The following PIWIL3 variants were observed in gnomAD, a reference collection of about 807,000 sequenced individuals.
PIWIL3 encodes the protein piwi like RNA-mediated gene silencing 3.
PIWIL3 carries 101 observed loss-of-function variants against 109.7 expected under a neutral mutation model. That is an observed-to-expected ratio of 0.92 (90% CI 0.78 to 1.09). PIWIL3 has a LOEUF of 1.09. PIWIL3 is among the 50% of genes least tolerant of loss of function. The pLI is 0.00. For missense variants in PIWIL3, 1,031 were observed against 1,072.6 expected, an observed-to-expected ratio of 0.96 and a Z score of 0.54; for synonymous variants, 373 against 376.4, an observed-to-expected ratio of 0.99 and a Z score of 0.10.
At chr22:24,752,662 C>T (rs748932160) in intron 8 of PIWIL3, among the ~76,000 whole-genome samples, 30 of 152,138 alleles carry the variant, frequency 2.0e-4, no homozygotes, top group Non-Finnish European at 3.8e-4. Context: ...TCTTTGTTTT[C>T]CTTAGTGTGA....
At chr22:24,750,505 T>TTTTTTA (rs1924641524) in intron 9 of PIWIL3, among the ~76,000 whole-genome samples, 6 of 147,392 alleles carry the variant, frequency 4.1e-5, no homozygotes, top group Admixed American at 6.8e-5. Flanking sequence ...TTTTTTTTTT[T>TTTTTTA]GAGATGGAGT....
At position 24,728,254 on chromosome 22, in the gene PIWIL3, C is replaced by G; in HGVS notation, c.1828G>C (p.Ala610Pro). 3 of 1,614,172 alleles carry G rather than the reference C, an allele frequency of 1.9e-6. No individual in the cohort carries two copies. The highest frequency in any genetic ancestry group is 8.5e-7 in the Non-Finnish European group (1 of 1,180,040). The change falls in exon 15 of 21, where the codon GCA becomes CCA. Residue 610 changes from alanine to proline, a missense_variant. Physicochemically the swap from Ala to Pro is conservative, Grantham distance 27. Transcript: ENST00000616349. ...GCAATCTTGGTGACGATGGTCCTTGCCTGGACTTTTTCTAAGGTCTTTTTC... is the reference window on the plus strand; with the variant it reads ...GCAATCTTGGTGACGATGGTCCTTGGCTGGACTTTTTCTAAGGTCTTTTTC... ...VVKKTLEKVQ[A>P]RTIVTKIAQQ...
rs1171086706 is a variant in PIWIL3 at position 24,749,750 on chromosome 22, G to A, written c.1159C>T (p.Leu387=). The A allele has an allele frequency of 1.9e-6, 3 of 1,613,598 alleles. No individual in the cohort carries two copies. In the African/African-American group the frequency reaches 4.0e-5, roughly 22 times the overall value. Residue 387 remains leucine, a synonymous_variant, in exon 10 of 21, where the codon CTA becomes TTA. Coordinates refer to ENST00000616349, the MANE Select transcript of PIWIL3 (RefSeq NM_001255975.1). ...ATAGGTTCACGTTGTGTACCCGTTA[G>A]GCCCTTTTTCCATCTGCCCTGGCTG... ...LVSQGRWKKG[L]TGTQREPILL...
chr22:24,741,296 C>T (rs961877562), intron 12 of PIWIL3, among the ~76,000 whole-genome samples: 13 of 152,158 alleles, frequency 8.5e-5, no homozygotes, highest in Admixed American at 2.6e-4. Context: ...GGGCCAATCA[C>T]GAAGTCAGGA....
intron 18 of PIWIL3, among the ~76,000 whole-genome samples, chr22:24,724,530 G>A (rs189408000): frequency 2.8e-4 from 42 of 151,886 alleles, no homozygotes; most frequent in African/African-American, 9.2e-4. Context: ...TGCCTCCCGG[G>A]TTCAAGTGAT....
chr22:24,738,448 C>T (rs1357402776), intron 12 of PIWIL3, among the ~76,000 whole-genome samples: 1 of 152,232 alleles, frequency 6.6e-6, no homozygotes, highest in South Asian at 2.1e-4. Flanking sequence ...GGGCAAGACC[C>T]AGTGCTGTGC....
At chr22:24,760,063 G>C (rs1925329067) in intron 2 of PIWIL3, 74 bp from the exon 3 acceptor site, 1 of 1,583,232 alleles carries the variant, frequency 6.3e-7, no homozygotes, top group Non-Finnish European at 8.6e-7. Context: ...GGCACTCGCA[G>C]GGCACAAGGC....
At chr22:24,719,992 C>T (rs5760605) in intron 19 of PIWIL3, 97 bp from the exon 20 acceptor site, 171,606 of 1,040,774 alleles carry the variant, frequency 0.16, 17,269 homozygotes, top group East Asian at 0.5. Context: ...TAATTGCTTA[C>T]AAAAATCTAT....
In PIWIL3 at chr22:24,772,313, T is replaced by C. The variant is rs952630157; in HGVS notation, c.-23+2009A>G. Among the ~76,000 whole-genome samples the C allele has an allele frequency of 2.6e-5, 4 of 152,212 alleles. No homozygotes were observed. In the East Asian group the frequency reaches 7.7e-4, roughly 29 times the overall value. On this transcript the variant is annotated intron_variant, in intron 1 of 20. Coordinates refer to ENST00000616349, the MANE Select transcript of PIWIL3 (RefSeq NM_001255975.1). ...TATTGAAGGAATAAAGTCTGCATAA[T>C]AGGAGCTCATTAAATAGCAACTTCT...
rs755537606 is a variant in PIWIL3 at position 24,749,695 on chromosome 22, G to A, written c.1214C>T (p.Thr405Ile). The change falls in exon 10 of 21, where the codon ACA (threonine) becomes ATA (isoleucine). Residue 405 changes from threonine to isoleucine, a missense_variant and splice_region_variant. By Grantham distance (89) the Thr-to-Ile change is moderately conservative. Transcript: ENST00000616349. ...GAGGGGCTGTAATCCATCAGTACCT[G>A]TCATGTGGCACAGCTGAGGAATCAG... Reference protein sequence around the residue: ...ILLIPQLCHMTGLTDEICKDY... With the variant: ...ILLIPQLCHMIGLTDEICKDY... The A allele has an allele frequency of 1.2e-6, 2 of 1,614,088 alleles. No individual in the cohort carries two copies. Among genetic ancestry groups the A allele is most frequent in the South Asian group, 2.2e-5 (2 of 91,078 alleles).
rs1191024153 is a variant in PIWIL3, at chr22:24,762,515, G to A, written c.-16C>T. The A allele has an allele frequency of 3.4e-5, 54 of 1,607,438 alleles. No individual in the cohort carries two copies. Among genetic ancestry groups the A allele is most frequent in the Non-Finnish European group, 4.3e-5 (51 of 1,177,808 alleles). ...TACCAGGCATTGTGGTCCTGAAGGT[G>A]ATGACCCTGAAGAATACAGTTATAT... On this transcript the variant is annotated 5_prime_UTR_variant, in exon 2 of 21. Coordinates refer to ENST00000616349, the MANE Select transcript of PIWIL3 (RefSeq NM_001255975.1).
At chr22:24,736,099 C>T (rs1286035223) in intron 12 of PIWIL3, among the ~76,000 whole-genome samples, 2 of 152,084 alleles carry the variant, frequency 1.3e-5, no homozygotes, top group African/African-American at 4.8e-5. Flanking sequence ...ATTGAGAGGC[C>T]ATTGCAGGGG....
intron 19 of PIWIL3, among the ~76,000 whole-genome samples, chr22:24,720,650 T>G (rs887084018): frequency 3.9e-5 from 6 of 152,200 alleles, no homozygotes; most frequent in African/African-American, 1.4e-4. Flanking sequence ...TGTACAATCT[T>G]ATGTTGTACT....
intron 12 of PIWIL3, among the ~76,000 whole-genome samples, chr22:24,747,541 A>G (rs146941817): frequency 0.018 from 2,729 of 152,322 alleles, 74 homozygotes; most frequent in African/African-American, 0.062. Context: ...AATATTTGCA[A>G]ACTACCTGTC....
Position 24,724,164 on chromosome 22 carries a change from C to T in PIWIL3, c.2231+723G>A, listed in dbSNP as rs143270910. Among the ~76,000 whole-genome samples the T allele has an allele frequency of 5.5e-3, 841 of 152,244 alleles. 7 individuals are homozygous for T. Among genetic ancestry groups the T allele is most frequent in the African/African-American group, 0.018 (761 of 41,530 alleles). Reference sequence around the variant, plus strand: ...AGCAGAAGGGTCTTCCCGGCGCTCCCCCACCCATCCACAAAAGCCACTATT... The same window carrying T: ...AGCAGAAGGGTCTTCCCGGCGCTCCTCCACCCATCCACAAAAGCCACTATT... On this transcript the variant is annotated intron_variant, in intron 18 of 20. Coordinates refer to ENST00000616349, the MANE Select transcript of PIWIL3 (RefSeq NM_001255975.1).
At chr22:24,756,976 G>A (rs1436908427) in intron 4 of PIWIL3, among the ~76,000 whole-genome samples, 1 of 151,132 alleles carries the variant, frequency 6.6e-6, no homozygotes, top group Non-Finnish European at 1.5e-5. Flanking sequence ...CTACTCGGAA[G>A]GCTGAGACAG....
chr22:24,738,883 G>A (rs1264383520), intron 12 of PIWIL3, among the ~76,000 whole-genome samples: 2 of 151,986 alleles, frequency 1.3e-5, no homozygotes, highest in African/African-American at 4.8e-5. Flanking sequence ...ACCAAATAAG[G>A]CACCAGGCAC....
chr22:24,743,306 A>T (rs1187617361), intron 12 of PIWIL3, among the ~76,000 whole-genome samples: 2 of 152,220 alleles, frequency 1.3e-5, no homozygotes, highest in Non-Finnish European at 2.9e-5. Flanking sequence ...TTAAAGGACT[A>T]CAAGATCTAC....
chr22:24,757,079 CAA>C (rs71189275), intron 4 of PIWIL3, among the ~76,000 whole-genome samples: 1,998 of 91,684 alleles, frequency 0.022, 13 homozygotes, highest in South Asian at 0.056. Context: ...AACTCCGTCT[CAA>C]AAAAAAAAAA....
Sources: allele counts gnomAD v4.1 joint callset (sites outside exome capture counted in the v4.1 genomes callset), GRCh38; gene constraint gnomAD v4.1.1; transcripts MANE v1.5; gene names NCBI Gene and HGNC (gene_info 2026-07-23, HGNC 2026-07-21).